Variants in SYNC observed in about 807,000 individuals in gnomAD.
SYNC encodes the protein syncoilin, intermediate filament protein, also known as syncoilin.
In SYNC, 38 loss-of-function variants were observed where a neutral mutation model predicts 49.5. The observed-to-expected ratio is 0.77, with a 90% CI of 0.59 to 1.01. SYNC has a LOEUF of 1.01. Among genes scored for constraint, SYNC ranks in the 50% least tolerant of loss-of-function variants. The pLI is 0.00. For missense variants in SYNC, 579 were observed against 580.6 expected (o/e 1.00, Z 0.03); for synonymous variants, 201 against 230.8 (o/e 0.87, Z 1.17).
In SYNC at chr1:32,680,149, T is replaced by A; in HGVS notation, c.*1701A>T. 1 of 1,077,552 alleles carries A rather than the reference T, an allele frequency of 9.3e-7. No individual in the cohort carries two copies. The highest frequency in any genetic ancestry group is 1.1e-6 in the Non-Finnish European group (1 of 891,834). The allele number at this position is 1,077,552 out of a possible 1,614,324, so 66.7% of individuals were successfully genotyped here. A position where few individuals can be genotyped will look rare whatever the true frequency, so the allele number is the denominator to read the frequency against. ...AGGGGGAGATTCAAGTCATATAGATTCCTACTCGAAAATCTTGACACCTGA... is the reference window on the plus strand; with the variant it reads ...AGGGGGAGATTCAAGTCATATAGATACCTACTCGAAAATCTTGACACCTGA... On this transcript the variant is annotated 3_prime_UTR_variant, in exon 5 of 5. Transcript: ENST00000409190.
chr1:32,684,311 G>C lies in SYNC; in HGVS notation c.1305C>G (p.Asn435Lys). The C allele has an allele frequency of 6.2e-7, 1 of 1,614,124 alleles. No homozygotes were observed. Among genetic ancestry groups the C allele is most frequent in the Non-Finnish European group, 8.5e-7 (1 of 1,180,024 alleles). Residue 435 changes from asparagine (N) to lysine (K), a missense_variant, in exon 3 of 5, where the codon AAC becomes AAG. Transcript: ENST00000409190. Reference sequence around the variant, plus strand: ...TGAGCCTTAGCTGTTCCATCTCTTTGTTCTTCTGTTGCTGGAGTTGCACCC... The same window carrying C: ...TGAGCCTTAGCTGTTCCATCTCTTTCTTCTTCTGTTGCTGGAGTTGCACCC... ...RNGVQLQQQK[N>K]KEMEQLRLSL... is the part of the protein sequence containing the mutation.
chr1:32,687,940 C>T (rs1649966791), intron 2 of SYNC, among the ~76,000 whole-genome samples: 1 of 151,318 alleles, frequency 6.6e-6, no homozygotes. Context: ...ACCTCCAGCT[C>T]CTGGGTTCAA....
intron 2 of SYNC, among the ~76,000 whole-genome samples, chr1:32,688,371 A>AT (rs1366904890): frequency 6.6e-6 from 1 of 152,166 alleles, no homozygotes; most frequent in Non-Finnish European, 1.5e-5. Context: ...CATACTAGCT[A>AT]TTGTTGATCT....
chr1:32,693,730 CTG>C (rs1650273968), intron 2 of SYNC, among the ~76,000 whole-genome samples: 2 of 152,308 alleles, frequency 1.3e-5, no homozygotes, highest in East Asian at 1.9e-4. Flanking sequence ...ATATCCCACT[CTG>C]TTCTAAAAAG....
rs1440016558 is a variant in SYNC at position 32,684,305 on chromosome 1, C to T, written c.1311G>A (p.Glu437=). ...GVQLQQQKNK[E]MEQLRLSLAE... is the part of the protein sequence containing the mutation. ...CAAGACTGAGCCTTAGCTGTTCCAT[C>T]TCTTTGTTCTTCTGTTGCTGGAGTT... Residue 437 remains glutamate, a synonymous_variant, in exon 3 of 5, where the codon GAG becomes GAA. Coordinates refer to ENST00000409190, the MANE Select transcript of SYNC (RefSeq NM_030786.3). 1.2e-6 allele frequency: 2 copies of T among 1,614,084 alleles called. No individual in the cohort carries two copies. Among genetic ancestry groups the T allele is most frequent in the Non-Finnish European group, 1.7e-6 (2 of 1,180,032 alleles).
At chr1:32,687,861 A>ATTATTTTTTTTTTTTTTTTTTT (rs1280120903) in intron 2 of SYNC, among the ~76,000 whole-genome samples, 1 of 146,440 alleles carries the variant, frequency 6.8e-6, no homozygotes, top group African/African-American at 2.5e-5. Flanking sequence ...TATTATTATT[A>ATTATTTTTTTTTTTTTTTTTTT]TTTTTTGAGA....
At chr1:32,684,662 C>G in intron 2 of SYNC, 2 of 387,724 alleles carry the variant, frequency 5.2e-6, no homozygotes, top group Middle Eastern at 8.3e-4. Context: ...TTTAGTATTA[C>G]AACCTTAGTG....
chr1:32,693,756 C>T (rs771565366), intron 2 of SYNC, among the ~76,000 whole-genome samples: 5 of 152,172 alleles, frequency 3.3e-5, no homozygotes, highest in African/African-American at 4.8e-5. Flanking sequence ...TTAGAACTGG[C>T]TCACACTTAA....
At chr1:32,681,913 C>T in intron 4 of SYNC, 53 bp from the exon 5 acceptor site, 2 of 1,500,490 alleles carry the variant, frequency 1.3e-6, no homozygotes, top group Non-Finnish European at 1.9e-6. Flanking sequence ...GGTTTAGTTA[C>T]TGCAGGCTTT....
intron 2 of SYNC, chr1:32,685,711 T>A (rs1170743191): frequency 1.3e-5 from 2 of 152,184 alleles, no homozygotes; most frequent in Admixed American, 1.3e-4. Flanking sequence ...TGCTCAGTCC[T>A]CACTACCTAC....
intron 2 of SYNC, among the ~76,000 whole-genome samples, chr1:32,690,808 C>T (rs374023527): frequency 2.2e-4 from 33 of 150,044 alleles, no homozygotes; most frequent in Admixed American, 1.8e-3. Flanking sequence ...AAATTAGGGC[C>T]GGGCGTGGTG....
At chr1:32,687,852 A>ATTATTATTATTATTATT (rs957479311) in intron 2 of SYNC, among the ~76,000 whole-genome samples, 2 of 31,150 alleles carry the variant, frequency 6.4e-5, no homozygotes, top group South Asian at 4.6e-3. Flanking sequence ...TATTATTATT[A>ATTATTATTATTATTATT]TTATTATTAT....
chr1:32,681,923 T>C, intron 4 of SYNC, 63 bp from the exon 5 acceptor site: 1 of 1,439,330 alleles, frequency 6.9e-7, no homozygotes, highest in East Asian at 2.3e-5. Context: ...CTGCAGGCTT[T>C]GTTGAGAAGA....
rs749331723 is a variant in SYNC, at chr1:32,684,231, G to A, written c.1358+27C>T. On this transcript the variant is annotated intron_variant, in intron 3 of 4. Coordinates refer to ENST00000409190, the MANE Select transcript of SYNC (RefSeq NM_030786.3). ...ACCATCCCCTCAGCCAGTATTAGAT[G>A]AGATTTGTATAGCAGCAGAAACTGA... is the stretch of plus-strand genomic sequence containing the variant. The A allele has an allele frequency of 5.6e-6, 9 of 1,613,922 alleles. No individual in the cohort carries two copies. In the South Asian group the frequency reaches 8.8e-5, roughly 16 times the overall value.
rs1250984981 is a variant in SYNC, at chr1:32,684,335, C to T, written c.1281G>A (p.Gly427=). 1 of 1,614,154 alleles carries T rather than the reference C, an allele frequency of 6.2e-7. No individual in the cohort carries two copies. The highest frequency in any genetic ancestry group is 8.5e-7 in the Non-Finnish European group (1 of 1,180,034). The change falls in exon 3 of 5, where the codon GGG becomes GGA. Residue 427 remains glycine (G), a synonymous_variant. Coordinates refer to ENST00000409190, the MANE Select transcript of SYNC (RefSeq NM_030786.3). ...TGTTCTTCTGTTGCTGGAGTTGCAC[C>T]CCATTTCTTAACTGCCTCTGGCGTT... is the stretch of plus-strand genomic sequence containing the variant. ...MEERQRQLRN[G]VQLQQQKNKE...
chr1:32,687,401 G>T (rs1012157890), intron 2 of SYNC, among the ~76,000 whole-genome samples: 2 of 150,856 alleles, frequency 1.3e-5, no homozygotes, highest in Admixed American at 1.3e-4. Context: ...AGTAGGCCAG[G>T]CACGGTGGTT....
chr1:32,685,102 G>A (rs1649734206), intron 2 of SYNC: 1 of 152,200 alleles, frequency 6.6e-6, no homozygotes, highest in South Asian at 2.1e-4. Flanking sequence ...CTCCCGCCTC[G>A]GTCTCCCAAA....
chr1:32,684,436 T>C, intron 2 of SYNC, 54 bp from the exon 3 acceptor site: 1 of 1,610,958 alleles, frequency 6.2e-7, no homozygotes, highest in Non-Finnish European at 8.5e-7. Flanking sequence ...AAAACTCACA[T>C]TGTCCACTCT....
At chr1:32,696,241 T>C (rs765043925) in intron 1 of SYNC, among the ~76,000 whole-genome samples, 197 bp from the exon 2 acceptor site, 14 of 131,394 alleles carry the variant, frequency 1.1e-4, no homozygotes, top group Non-Finnish European at 1.7e-4. Flanking sequence ...CCCAGCGACA[T>C]CACCATATGG....
Sources: gnomAD v4.1 joint callset for allele counts (sites outside exome capture counted in the v4.1 genomes callset) on GRCh38, gnomAD v4.1.1 for gene constraint, MANE v1.5 for transcripts, NCBI Gene and HGNC (gene_info 2026-07-23, HGNC 2026-07-21) for gene names.